NEK4: variants seen among roughly 807,000 people sequenced by gnomAD.
The protein encoded by NEK4 is NIMA related kinase 4, also known as serine/threonine-protein kinase Nek4.
Under a neutral mutation model 98.4 loss-of-function variants are expected in NEK4, and 86 were observed. That is an observed-to-expected ratio of 0.87 (90% CI 0.73 to 1.05). The LOEUF (loss-of-function observed/expected upper bound fraction) is 1.05, where lower values mean the gene tolerates loss of function less well. Among genes scored for constraint, NEK4 ranks in the 50% least tolerant of loss-of-function variants. NEK4 has a pLI of 0.00. For missense variants in NEK4, 898 were observed against 950.3 expected (o/e 0.94, Z 0.72); for synonymous variants, 328 against 342.2 (o/e 0.96, Z 0.46).
At chr3:52,757,739 A>C (rs1476524450) in intron 6 of NEK4, among the ~76,000 whole-genome samples, 1 of 152,242 alleles carries the variant, frequency 6.6e-6, no homozygotes, top group Non-Finnish European at 1.5e-5. Context: ...AGCATTAAAA[A>C]GGAAGGTAAT....
chr3:52,755,944 G>A (rs555299831), intron 6 of NEK4, among the ~76,000 whole-genome samples: 1 of 152,102 alleles, frequency 6.6e-6, no homozygotes. Flanking sequence ...ATTTACAATA[G>A]TATCAAAAAT....
chr3:52,744,800 C>T (rs2097393169), intron 10 of NEK4, among the ~76,000 whole-genome samples: 1 of 151,550 alleles, frequency 6.6e-6, no homozygotes, highest in African/African-American at 2.4e-5. Flanking sequence ...CAGCCCACAG[C>T]AGGGTTATAG....
intron 15 of NEK4, among the ~76,000 whole-genome samples, chr3:52,728,212 AAAGT>A (rs2097366339): frequency 6.6e-6 from 1 of 152,216 alleles, no homozygotes; most frequent in Non-Finnish European, 1.5e-5. Context: ...ATCTCTACAA[AAAGT>A]ACAAAAATAA....
At chr3:52,750,179 C>A (rs1021742268) in intron 7 of NEK4, among the ~76,000 whole-genome samples, 2 of 152,212 alleles carry the variant, frequency 1.3e-5, no homozygotes, top group Non-Finnish European at 2.9e-5. Flanking sequence ...CCACATATAA[C>A]CTTCCTCTTA....
At chr3:52,764,148 G>A (rs1449651130) in intron 4 of NEK4, among the ~76,000 whole-genome samples, 11 of 151,962 alleles carry the variant, frequency 7.2e-5, no homozygotes, top group Admixed American at 5.9e-4. Context: ...TTAGCTGGGC[G>A]TGGTGGCATG....
chr3:52,753,941 G>A (rs1169627576), intron 6 of NEK4: 9 of 293,272 alleles, frequency 3.1e-5, no homozygotes, highest in East Asian at 1.9e-4. Flanking sequence ...AGTCCGAGGC[G>A]GTGGAGCACT....
At chr3:52,746,568 C>T (rs971753696) in intron 9 of NEK4, among the ~76,000 whole-genome samples, 166 bp downstream of exon 9, 2 of 152,210 alleles carry the variant, frequency 1.3e-5, no homozygotes, top group Non-Finnish European at 1.5e-5. Flanking sequence ...TACTCTGCTT[C>T]GAACTCACTG....
rs757495089 is a variant in NEK4, at chr3:52,739,544, C to A, written c.2184G>T (p.Pro728=). Residue 728 remains proline (P), a synonymous_variant, in exon 14 of 16, where the codon CCG becomes CCT. Coordinates refer to ENST00000233027, the MANE Select transcript of NEK4 (RefSeq NM_003157.6). ...LDSKESCEDV[P]VANPVSEFKL... ...TGAATTCTGACACTGGGTTTGCTAC[C>A]GGGACATCTTCACAGCTCTCTTTAG... 2 of 1,614,030 alleles carry A rather than the reference C, an allele frequency of 1.2e-6. No homozygotes were observed. Among genetic ancestry groups the A allele is most frequent in the Non-Finnish European group, 1.7e-6 (2 of 1,179,928 alleles).
Position 52,711,543 on chromosome 3 carries a change from C to T in NEK4, c.*234G>A, listed in dbSNP as rs550302822. On this transcript the variant is annotated 3_prime_UTR_variant, in exon 16 of 16. Coordinates refer to ENST00000233027, the MANE Select transcript of NEK4 (RefSeq NM_003157.6). ...CAGTAAACAGTAATCAAACAAACAA[C>T]AGATTTGTCCTCACAAAGAGAATAT... 21 of 358,032 alleles carry T rather than the reference C, an allele frequency of 5.9e-5. No individual in the cohort carries two copies. Among genetic ancestry groups the T allele is most frequent in the Non-Finnish European group, 9.5e-5 (19 of 200,150 alleles). The allele number at this position is 358,032 out of a possible 1,614,324, so 22.2% of individuals were successfully genotyped here. A position where few individuals can be genotyped will look rare whatever the true frequency, so the allele number is the denominator to read the frequency against.
intron 14 of NEK4, among the ~76,000 whole-genome samples, chr3:52,738,109 G>A (rs990794117): frequency 1.1e-4 from 17 of 151,572 alleles, no homozygotes; most frequent in Non-Finnish European, 2.4e-4. Context: ...CACTGCACCC[G>A]GCCTATTTTT....
intron 15 of NEK4, chr3:52,732,635 A>G (rs1578639202): frequency 3.1e-6 from 1 of 322,010 alleles, no homozygotes; most frequent in Non-Finnish European, 6.3e-6. Flanking sequence ...TCTCAGGAGG[A>G]GTGGAAATAA....
intron 4 of NEK4, among the ~76,000 whole-genome samples, chr3:52,764,484 G>A (rs1578704169): frequency 6.7e-6 from 1 of 149,998 alleles, no homozygotes; most frequent in African/African-American, 2.5e-5. Flanking sequence ...ACAAAAAAGT[G>A]GACGGGCGTG....
At chr3:52,715,055 C>G (rs2097353915) in intron 15 of NEK4, among the ~76,000 whole-genome samples, 1 of 152,218 alleles carries the variant, frequency 6.6e-6, no homozygotes, top group Non-Finnish European at 1.5e-5. Flanking sequence ...GGCTACTGGG[C>G]AGAAGGGGGC....
Position 52,770,662 on chromosome 3 carries a change from C to T in NEK4, c.85G>A (p.Gly29Ser), listed in dbSNP as rs779524634. Residue 29 changes from glycine (G) to serine (S), a missense_variant, in exon 1 of 16, where the codon GGC (glycine) becomes AGC (serine). By Grantham distance (56) the Gly-to-Ser change is moderately conservative. Transcript: ENST00000233027. ...EVTLVKHRRD[G>S]KQYVIKKLNL... ...GCCCCACCCCTGCAGACCTGCTTGCCGTCCCGCCGGTGCTTCACAAGCGTC... is the reference window on the plus strand; with the variant it reads ...GCCCCACCCCTGCAGACCTGCTTGCTGTCCCGCCGGTGCTTCACAAGCGTC... The T allele has an allele frequency of 1.0e-5, 16 of 1,557,162 alleles. No homozygotes were observed. In the African/African-American group the frequency reaches 1.2e-4, roughly 12 times the overall value.
chr3:52,739,702 T>A (rs2097382582), intron 13 of NEK4, 68 bp from the exon 14 acceptor site: 1 of 1,369,650 alleles, frequency 7.3e-7, no homozygotes, highest in Non-Finnish European at 1.0e-6. Context: ...AAAAATTACG[T>A]GCAAAACGAC....
chr3:52,749,675 A>G lies in NEK4; in HGVS notation c.1506+17T>C, dbSNP rs563219146. On this transcript the variant is annotated intron_variant, in intron 8 of 15. Transcript: ENST00000233027. ...ATGGTAAAACCCCATCTCTGCTAGA[A>G]AAACTGCAAAAATTACCTGGGCGTG... 2.5e-4 allele frequency: 62 copies of G among 252,400 alleles called. No homozygotes were observed. The highest frequency in any genetic ancestry group is 2.2e-3 in the South Asian group (62 of 28,484). 15.6% of individuals were successfully genotyped at this position (252,400 alleles called of 1,614,324 possible).
chr3:52,726,521 T>C (rs2097364725), intron 15 of NEK4, among the ~76,000 whole-genome samples: 1 of 147,944 alleles, frequency 6.8e-6, no homozygotes, highest in Non-Finnish European at 1.5e-5. Context: ...ATGCTGTGAA[T>C]CCGGGAGGCA....
At chr3:52,744,640 C>T (rs996008252) in intron 10 of NEK4, among the ~76,000 whole-genome samples, 12 of 146,578 alleles carry the variant, frequency 8.2e-5, no homozygotes, top group Admixed American at 4.9e-4. Context: ...GCTGAGATCG[C>T]GCCATTGCAC....
At chr3:52,711,934 G>C in intron 15 of NEK4, 65 bp from the exon 16 acceptor site, 1 of 866,576 alleles carries the variant, frequency 1.2e-6, no homozygotes, top group Non-Finnish European at 1.9e-6. Flanking sequence ...TGTAATCTTA[G>C]AGGAAGGGCT....
Sources: allele counts gnomAD v4.1 joint callset (sites outside exome capture counted in the v4.1 genomes callset), GRCh38; gene constraint gnomAD v4.1.1; transcripts MANE v1.5; gene names NCBI Gene and HGNC (gene_info 2026-07-23, HGNC 2026-07-21).